Variants in CCDC192 observed in about 807,000 individuals in gnomAD.
CCDC192 encodes the protein coiled-coil domain-containing protein 192.
At chr5:127,766,608 TAAAAAAAAAAAA>T (rs548715145) in intron 3 of CCDC192, among the ~76,000 whole-genome samples, 5 of 98,954 alleles carry the variant, frequency 5.1e-5, no homozygotes, top group African/African-American at 7.7e-5. Flanking sequence ...ACGTCCTGTG[TAAAAAAAAAAAA>T]AAAAAAAAAA....
chr5:127,807,746 G>A (rs1000664481), intron 5 of CCDC192, among the ~76,000 whole-genome samples: 3 of 152,120 alleles, frequency 2.0e-5, no homozygotes, highest in Admixed American at 1.3e-4. Flanking sequence ...CTGATCAGGA[G>A]TCGATATTTG....
intron 6 of CCDC192, among the ~76,000 whole-genome samples, chr5:127,880,699 G>A (rs1347996651): frequency 6.6e-6 from 1 of 151,932 alleles, no homozygotes; most frequent in Non-Finnish European, 1.5e-5. Context: ...TATAGTATAG[G>A]CCAGGCACGG....
At chr5:127,838,030 T>G (rs571088516) in intron 5 of CCDC192, among the ~76,000 whole-genome samples, 22 of 152,280 alleles carry the variant, frequency 1.4e-4, no homozygotes, top group African/African-American at 5.1e-4. Context: ...TTCCATAACA[T>G]AGATTCTGAA....
chr5:127,865,269 A>G (rs1376585482), intron 5 of CCDC192, among the ~76,000 whole-genome samples: 1 of 152,224 alleles, frequency 6.6e-6, no homozygotes. Context: ...GATAAAACAA[A>G]AAAAGTAACT....
chr5:127,834,421 T>C (rs1285007636), intron 5 of CCDC192, among the ~76,000 whole-genome samples: 1 of 152,218 alleles, frequency 6.6e-6, no homozygotes, highest in Non-Finnish European at 1.5e-5. Flanking sequence ...AATAAACTTC[T>C]GCTTTTCTCG....
chr5:127,873,059 C>T (rs1212633138), intron 5 of CCDC192, among the ~76,000 whole-genome samples: 1 of 152,160 alleles, frequency 6.6e-6, no homozygotes, highest in African/African-American at 2.4e-5. Context: ...TGAGTTCCTG[C>T]ATTCTATCCA....
At chr5:127,709,205 GAGAGAGAGAGAGAGAGAGAGAGA>G (rs1751174497) in intron 2 of CCDC192, among the ~76,000 whole-genome samples, 1 of 13,420 alleles carries the variant, frequency 7.5e-5, no homozygotes, top group Non-Finnish European at 2.0e-4. Context: ...GAGAGGGGGA[GAGAGAGAGAGAGAGAGAGAGAGA>G]GAGAGAGAGA....
intron 6 of CCDC192, chr5:127,935,315 A>G (rs1446190415): frequency 6.6e-6 from 1 of 152,228 alleles, no homozygotes; most frequent in Non-Finnish European, 1.5e-5. Context: ...GGATCTGGCT[A>G]GCAACAAGTA....
Position 127,848,427 on chromosome 5 carries a change from A to G in CCDC192, c.412-27111A>G, listed in dbSNP as rs28604575. Among the ~76,000 whole-genome samples, 171 of 152,302 alleles carry G rather than the reference A, an allele frequency of 1.1e-3. 1 individual carries two copies. Among genetic ancestry groups the G allele is most frequent in the African/African-American group, 4.1e-3 (170 of 41,560 alleles). On this transcript the variant is annotated intron_variant, in intron 5 of 6. Transcript: ENST00000514853. ...TTTACCTGATATCCATTGGCTATCC[A>G]ATTCCTGACCTTACTTCTAGCCTTC... is the stretch of plus-strand genomic sequence containing the variant.
At chr5:127,785,097 G>A (rs1756463060) in intron 3 of CCDC192, 1 of 518,182 alleles carries the variant, frequency 1.9e-6, no homozygotes, top group East Asian at 5.4e-5. Context: ...CATCTTCTGT[G>A]TTGTACTGAA....
At chr5:127,785,205 C>A in intron 3 of CCDC192, 1 of 526,190 alleles carries the variant, frequency 1.9e-6, no homozygotes, top group South Asian at 1.4e-5. Context: ...ATAACCATGT[C>A]AATTTTCAGC....
intron 2 of CCDC192, among the ~76,000 whole-genome samples, chr5:127,749,020 G>A (rs533762108): frequency 6.6e-6 from 1 of 152,132 alleles, no homozygotes; most frequent in Admixed American, 6.5e-5. Context: ...TGAGACAATG[G>A]GGTTCTCTAG....
At chr5:127,839,014 G>A (rs1024406924) in intron 5 of CCDC192, among the ~76,000 whole-genome samples, 8 of 152,134 alleles carry the variant, frequency 5.3e-5, no homozygotes, top group African/African-American at 1.7e-4. Context: ...TTAGGTAAAT[G>A]GTTTTCACCT....
chr5:127,843,029 G>GTTTTTTTTTTTTTTTTTTTTTTTTTT, intron 5 of CCDC192, among the ~76,000 whole-genome samples: 1 of 91,766 alleles, frequency 1.1e-5, no homozygotes, highest in Non-Finnish European at 2.0e-5. Context: ...TTTTAGTCAA[G>GTTTTTTTTTTTTTTTTTTTTTTTTTT]TTTTTTTTTT....
chr5:127,806,127 A>G (rs1757767488), intron 5 of CCDC192, among the ~76,000 whole-genome samples: 1 of 152,164 alleles, frequency 6.6e-6, no homozygotes, highest in Non-Finnish European at 1.5e-5. Context: ...GAAACTTTGG[A>G]GCCCCACCAG....
intron 5 of CCDC192, among the ~76,000 whole-genome samples, chr5:127,852,816 CG>C (rs371047620): frequency 2.3e-3 from 347 of 152,248 alleles, no homozygotes; most frequent in African/African-American, 8.0e-3. Flanking sequence ...TATCCCTGGC[CG>C]GGTGCGGTGG....
At chr5:127,821,252 C>G (rs760986001) in intron 5 of CCDC192, among the ~76,000 whole-genome samples, 14 of 152,184 alleles carry the variant, frequency 9.2e-5, no homozygotes, top group Non-Finnish European at 1.9e-4. Context: ...TTCACATTTC[C>G]TGAAATTTTA....
intron 2 of CCDC192, among the ~76,000 whole-genome samples, chr5:127,720,779 C>G (rs752469714): frequency 1.4e-4 from 22 of 152,312 alleles, no homozygotes; most frequent in Non-Finnish European, 2.9e-4. Context: ...AGGCTTAACA[C>G]CACATGGAAG....
intron 2 of CCDC192, among the ~76,000 whole-genome samples, chr5:127,738,059 C>A (rs1477319320): frequency 6.6e-6 from 1 of 152,072 alleles, no homozygotes; most frequent in Non-Finnish European, 1.5e-5. Context: ...GATTTTGCAA[C>A]AGCTGGTACC....
Sources: gnomAD v4.1 joint callset for allele counts (sites outside exome capture counted in the v4.1 genomes callset) on GRCh38, gnomAD v4.1.1 for gene constraint, MANE v1.5 for transcripts, NCBI Gene and HGNC (gene_info 2026-07-23, HGNC 2026-07-21) for gene names.